The following LRRC37A2 variants were observed in gnomAD, a reference collection of about 807,000 sequenced individuals.
The protein encoded by LRRC37A2 is leucine-rich repeat-containing protein 37A2.
A neutral mutation model predicts 68.8 loss-of-function variants in LRRC37A2; 9 were observed. The observed-to-expected ratio is 0.13, with a 90% CI of 0.08 to 0.23. The LOEUF (loss-of-function observed/expected upper bound fraction) is 0.23, where lower values mean the gene tolerates loss of function less well. LRRC37A2 is among the 10% of genes least tolerant of loss of function. LRRC37A2 has a pLI of 1.00. For missense variants in LRRC37A2, 168 were observed against 950.4 expected (o/e 0.18, Z 10.82); for synonymous variants, 63 against 367.6 (o/e 0.17, Z 9.48).
downstream of LRRC37A2, among the ~76,000 whole-genome samples, chr17:46,558,275 G>C (rs1348470708): frequency 1.8e-5 from 2 of 108,506 alleles, no homozygotes; most frequent in African/African-American, 4.1e-5. Context: ...GGTCAGGCTG[G>C]TCTCGAACTC....
At chr17:47,019,172 A>T in the LRRC37A2 span, 3 of 1,370,414 alleles carry the variant, frequency 2.2e-6, no homozygotes, top group Non-Finnish European at 2.1e-6. Context: ...ACCTGACTCG[A>T]GCCACAGTTC....
the LRRC37A2 span, among the ~76,000 whole-genome samples, chr17:46,881,019 C>T: frequency 6.6e-6 from 1 of 152,214 alleles, no homozygotes; most frequent in Non-Finnish European, 1.5e-5. Context: ...GTCATTTACA[C>T]ACGAATCCTG....
At chr17:46,968,069 TTCAG>T in the LRRC37A2 span, among the ~76,000 whole-genome samples, 1 of 152,046 alleles carries the variant, frequency 6.6e-6, no homozygotes, top group African/African-American at 2.4e-5. Flanking sequence ...GGGGGCCTTC[TTCAG>T]CTTGGGGCAT....
At chr17:46,519,372 C>CA (rs1199012303) in intron 3 of LRRC37A2, among the ~76,000 whole-genome samples, 2 of 116,720 alleles carry the variant, frequency 1.7e-5, no homozygotes, top group Non-Finnish European at 3.4e-5. Flanking sequence ...CTTGGCTTTC[C>CA]AGAGTGCTGG....
chr17:46,490,734 A>C, the LRRC37A2 span, among the ~76,000 whole-genome samples: 2 of 150,252 alleles, frequency 1.3e-5, no homozygotes, highest in Non-Finnish European at 2.9e-5. Flanking sequence ...AAAAAAAAAA[A>C]AAAAACCTTT....
chr17:46,749,834 T>C, the LRRC37A2 span: 1 of 1,614,170 alleles, frequency 6.2e-7, no homozygotes, highest in East Asian at 2.2e-5. Context: ...GAGATGGAAA[T>C]GCTTAACGCT....
At chr17:46,848,134 C>T in the LRRC37A2 span, among the ~76,000 whole-genome samples, 1 of 152,022 alleles carries the variant, frequency 6.6e-6, no homozygotes, top group Non-Finnish European at 1.5e-5. Flanking sequence ...ACGTGTGGAC[C>T]CAGGACCAGC....
chr17:46,716,318 G>A, the LRRC37A2 span, among the ~76,000 whole-genome samples: 5 of 150,074 alleles, frequency 3.3e-5, no homozygotes, highest in African/African-American at 4.9e-5. Context: ...GTACAGTGGC[G>A]TGATCTCAGC....
chr17:46,533,404 C>T (rs1321251156), intron 6 of LRRC37A2, among the ~76,000 whole-genome samples: 7 of 119,500 alleles, frequency 5.9e-5, no homozygotes, highest in Non-Finnish European at 8.1e-5. Flanking sequence ...CTCACCCCCT[C>T]CTTTATACTG....
chr17:46,956,197 G>T, the LRRC37A2 span, among the ~76,000 whole-genome samples: 18 of 150,762 alleles, frequency 1.2e-4, no homozygotes, highest in Admixed American at 2.6e-4. Context: ...AACAACACTT[G>T]CAAGGGTTTA....
chr17:46,748,043 A>T, the LRRC37A2 span, among the ~76,000 whole-genome samples: 1 of 152,200 alleles, frequency 6.6e-6, no homozygotes, highest in Non-Finnish European at 1.5e-5. Flanking sequence ...ATCAGATAGC[A>T]TTTGTCTTTT....
chr17:46,845,640 G>A, the LRRC37A2 span, among the ~76,000 whole-genome samples: 1 of 151,240 alleles, frequency 6.6e-6, no homozygotes, highest in Non-Finnish European at 1.5e-5. Flanking sequence ...ACAGGTGCCC[G>A]CCACCACACC....
At chr17:46,724,511 T>C in the LRRC37A2 span, among the ~76,000 whole-genome samples, 1 of 152,132 alleles carries the variant, frequency 6.6e-6, no homozygotes, top group Admixed American at 6.6e-5. Flanking sequence ...AGGGGTGTAT[T>C]TCCCCTCATA....
At chr17:46,926,484 T>G in the LRRC37A2 span, among the ~76,000 whole-genome samples, 1 of 152,198 alleles carries the variant, frequency 6.6e-6, no homozygotes, top group Non-Finnish European at 1.5e-5. Flanking sequence ...CCCTGGCTTA[T>G]TTGCTACTAT....
chr17:46,851,345 G>A, the LRRC37A2 span, among the ~76,000 whole-genome samples: 1 of 151,666 alleles, frequency 6.6e-6, no homozygotes, highest in Non-Finnish European at 1.5e-5. This position sits in a 1 kb window ranked among gnomAD's most constrained non-coding sequence, Gnocchi z 4.3. Flanking sequence ...CCGCGACCCC[G>A]GGCGGGCGCG....
the LRRC37A2 span, chr17:46,704,852 C>G: frequency 6.3e-7 from 1 of 1,597,092 alleles, no homozygotes; most frequent in African/African-American, 1.4e-5. Context: ...TGATATCAAA[C>G]CAGTGAGTAT....
chr17:46,944,515 A>G, the LRRC37A2 span, among the ~76,000 whole-genome samples: 1 of 152,118 alleles, frequency 6.6e-6, no homozygotes, highest in Admixed American at 6.5e-5. Context: ...GGAGTCCCCC[A>G]GAGAGTTTGG....
At chr17:46,733,478 G>A in the LRRC37A2 span, among the ~76,000 whole-genome samples, 1 of 152,118 alleles carries the variant, frequency 6.6e-6, no homozygotes, top group African/African-American at 2.4e-5. Flanking sequence ...GTTTAATGCT[G>A]GGTTTGACAC....
the LRRC37A2 span, among the ~76,000 whole-genome samples, chr17:46,949,700 A>G: frequency 5.9e-5 from 9 of 152,352 alleles, no homozygotes; most frequent in Non-Finnish European, 1.0e-4. Context: ...AGTAGTATCT[A>G]CTTACCCTGG....
Sources: gnomAD v4.1 joint callset for allele counts (sites outside exome capture counted in the v4.1 genomes callset) on GRCh38, gnomAD v4.1.1 for gene constraint, Gnocchi (gnomAD v3.1) non-coding constraint, MANE v1.5 for transcripts, NCBI Gene and HGNC (gene_info 2026-07-23, HGNC 2026-07-21) for gene names.